The following ZCCHC14 variants were observed in gnomAD, a reference collection of about 807,000 sequenced individuals.
The protein encoded by ZCCHC14 is zinc finger CCHC domain-containing protein 14.
ZCCHC14 carries 16 observed loss-of-function variants against 85.0 expected under a neutral mutation model. That is an observed-to-expected ratio of 0.19 (90% CI 0.13 to 0.29). The LOEUF is 0.29. Among genes scored for constraint, ZCCHC14 ranks in the 10% least tolerant of loss-of-function variants. The pLI, the probability that ZCCHC14 is intolerant of heterozygous loss-of-function variation, is 1.00. For missense variants in ZCCHC14, 1,303 were observed against 1,443.5 expected (o/e 0.90, Z 1.58); for synonymous variants, 775 against 630.7 (o/e 1.23, Z -3.43).
chr16:87,432,299 C>T (rs751399913), intron 3 of ZCCHC14, among the ~76,000 whole-genome samples: 16 of 152,194 alleles, frequency 1.1e-4, no homozygotes, highest in Non-Finnish European at 1.9e-4. Flanking sequence ...ACACATTTCC[C>T]AGCCTTTTAG....
Position 87,412,995 on chromosome 16 carries a change from G to A in ZCCHC14, c.1745-19C>T. On this transcript the variant is annotated intron_variant, in intron 11 of 12. Coordinates refer to ENST00000671377, the MANE Select transcript of ZCCHC14 (RefSeq NM_015144.3). ...TCCACACCTAGAGAGGGAAACAAGA[G>A]TGGTCAGTGCCATTCCACAGCTGGG... The A allele has an allele frequency of 6.2e-7, 1 of 1,613,802 alleles. No homozygotes were observed. Among genetic ancestry groups the A allele is most frequent in the Non-Finnish European group, 8.5e-7 (1 of 1,179,864 alleles).
chr16:87,431,370 G>A (rs1237900219), intron 3 of ZCCHC14, among the ~76,000 whole-genome samples: 1 of 151,596 alleles, frequency 6.6e-6, no homozygotes, highest in South Asian at 2.1e-4. Flanking sequence ...CTACTCAGGA[G>A]GCTGAGGCAG....
intron 2 of ZCCHC14, among the ~76,000 whole-genome samples, chr16:87,457,287 T>C (rs569481488): frequency 2.0e-5 from 3 of 152,376 alleles, no homozygotes; most frequent in South Asian, 4.1e-4. Flanking sequence ...CGGTGTGTTT[T>C]CCACTTTCAG....
At chr16:87,423,213 G>C (rs1909195246) in intron 4 of ZCCHC14, among the ~76,000 whole-genome samples, 1 of 152,146 alleles carries the variant, frequency 6.6e-6, no homozygotes, top group Non-Finnish European at 1.5e-5. Context: ...CGGAGGCAAA[G>C]AGGCATTTAT....
At chr16:87,471,417 G>C (rs1246855167) in intron 1 of ZCCHC14, 4 of 152,170 alleles carry the variant, frequency 2.6e-5, no homozygotes, top group African/African-American at 9.7e-5. Flanking sequence ...TCTTAACCTA[G>C]AGCTCTACTC....
At chr16:87,425,785 T>C (rs1402445756) in intron 3 of ZCCHC14, among the ~76,000 whole-genome samples, 7 of 152,272 alleles carry the variant, frequency 4.6e-5, no homozygotes, top group African/African-American at 1.7e-4. Context: ...ACAGCGTGTC[T>C]CTTTCAAGGT....
chr16:87,421,624 G>C (rs1031570707), intron 4 of ZCCHC14, among the ~76,000 whole-genome samples: 2 of 152,168 alleles, frequency 1.3e-5, no homozygotes, highest in African/African-American at 2.4e-5. Flanking sequence ...GGGGCCGAGA[G>C]GGTAGAGAGT....
chr16:87,425,931 A>C (rs1018288059), intron 3 of ZCCHC14, among the ~76,000 whole-genome samples: 1 of 152,252 alleles, frequency 6.6e-6, no homozygotes, highest in Non-Finnish European at 1.5e-5. Flanking sequence ...TGGACAGATC[A>C]TCTTATGTTG....
chr16:87,411,065 C>T (rs1908407607), intron 12 of ZCCHC14, among the ~76,000 whole-genome samples: 1 of 152,242 alleles, frequency 6.6e-6, no homozygotes, highest in Admixed American at 6.5e-5. Context: ...ACGGAAGATG[C>T]AGCATGGCTG....
intron 2 of ZCCHC14, among the ~76,000 whole-genome samples, chr16:87,456,507 T>C (rs1910970899): frequency 8.8e-6 from 1 of 114,180 alleles, no homozygotes; most frequent in African/African-American, 3.4e-5. Flanking sequence ...CACTCCAGCC[T>C]GGGCGACAGA....
At chr16:87,465,533 A>C (rs941488486) in intron 1 of ZCCHC14, among the ~76,000 whole-genome samples, 3 of 152,176 alleles carry the variant, frequency 2.0e-5, no homozygotes, top group Non-Finnish European at 4.4e-5. Context: ...CTGAGGTTCC[A>C]CAGTGGCCAC....
At chr16:87,465,176 G>A (rs767542505) in intron 1 of ZCCHC14, among the ~76,000 whole-genome samples, 18 of 152,132 alleles carry the variant, frequency 1.2e-4, no homozygotes, top group Non-Finnish European at 7.3e-5. Flanking sequence ...ATACTCAAAC[G>A]TCCTTCTTAG....
In ZCCHC14 at chr16:87,464,904, C is replaced by T. The variant is rs114654556; in HGVS notation, c.571-4773G>A. ...GACTCGTCATCTGGCCTGATGTGCA[C>T]GAGAGGGAAGACTGACCGGCTCCAA... On this transcript the variant is annotated intron_variant, in intron 1 of 12. Transcript: ENST00000671377. Among the ~76,000 whole-genome samples, 646 of 152,310 alleles carry T rather than the reference C, an allele frequency of 4.2e-3. 3 individuals carry two copies. Among genetic ancestry groups the T allele is most frequent in the Middle Eastern group, 0.031 (9 of 294 alleles).
At chr16:87,423,929 T>G in intron 3 of ZCCHC14, 48 bp from the exon 4 acceptor site, 3 of 1,601,246 alleles carry the variant, frequency 1.9e-6, no homozygotes, top group Non-Finnish European at 2.6e-6. Context: ...CACCACATAC[T>G]TGGTTCCCAG....
rs965989683 is a variant in ZCCHC14 at position 87,433,507 on chromosome 16, A to G, written c.695-306T>C. 2.0e-5 allele frequency among the ~76,000 whole-genome samples: 3 copies of G among 152,324 alleles called. No homozygotes were observed. In the East Asian group the frequency reaches 5.8e-4, roughly 29 times the overall value. On this transcript the variant is annotated intron_variant, in intron 2 of 12. Transcript: ENST00000671377. Reference sequence around the variant, plus strand: ...CAGTGAGAGCCCAGCAGTAGCTACAACTGAGAATCTGTGCAGCCTCCCGGG... The same window carrying G: ...CAGTGAGAGCCCAGCAGTAGCTACAGCTGAGAATCTGTGCAGCCTCCCGGG...
chr16:87,489,727 T>G (rs1397370975), intron 1 of ZCCHC14, among the ~76,000 whole-genome samples: 1 of 152,186 alleles, frequency 6.6e-6, no homozygotes, highest in Non-Finnish European at 1.5e-5. Context: ...GATTAGCCCC[T>G]TCATCTCATC....
chr16:87,467,045 GTTTT>G (rs11313580), intron 1 of ZCCHC14: 731 of 278,574 alleles, frequency 2.6e-3, no homozygotes, highest in Middle Eastern at 3.2e-3. Context: ...AAAAAAAATT[GTTTT>G]TTTTTTTTTT....
At chr16:87,482,183 C>A (rs1165371262) in intron 1 of ZCCHC14, among the ~76,000 whole-genome samples, 2 of 152,196 alleles carry the variant, frequency 1.3e-5, no homozygotes, top group Non-Finnish European at 2.9e-5. Context: ...CAGAAACCTG[C>A]CTTTGCCACA....
At chr16:87,467,576 T>A in intron 1 of ZCCHC14, 1 of 1,507,760 alleles carries the variant, frequency 6.6e-7, no homozygotes, top group Non-Finnish European at 9.2e-7. Flanking sequence ...CCGTTGGTTC[T>A]GAAAATTGGA....
Sources: gnomAD v4.1 joint callset for allele counts (sites outside exome capture counted in the v4.1 genomes callset) on GRCh38, gnomAD v4.1.1 for gene constraint, MANE v1.5 for transcripts, NCBI Gene and HGNC (gene_info 2026-07-23, HGNC 2026-07-21) for gene names.